SCFD1: variants seen among roughly 807,000 people sequenced by gnomAD.
The protein encoded by SCFD1 is sec1 family domain containing 1.
Under a neutral mutation model 103.2 loss-of-function variants are expected in SCFD1, and 37 were observed. That is an observed-to-expected ratio of 0.36 (90% confidence interval 0.28 to 0.47). The LOEUF (loss-of-function observed/expected upper bound fraction) is 0.47. Ranked by LOEUF, SCFD1 falls within the 20% of genes least tolerant of loss-of-function variation. SCFD1 has a pLI of 1.00. For synonymous variants in SCFD1, 264 were observed against 245.0 expected, an observed-to-expected ratio of 1.08 and a Z score of -0.73; for missense variants, 639 against 761.2, an observed-to-expected ratio of 0.84 and a Z score of 1.89.
chr14:30,667,514 C>G (rs1416047374), intron 10 of SCFD1, among the ~76,000 whole-genome samples: 2 of 152,172 alleles, frequency 1.3e-5, no homozygotes, highest in Non-Finnish European at 2.9e-5. Flanking sequence ...GATGCCCTCT[C>G]TCACCACTCT....
At chr14:30,735,445 T>C in intron 24 of SCFD1, 141 bp from the exon 25 acceptor site, 1 of 664,562 alleles carries the variant, frequency 1.5e-6, no homozygotes. Flanking sequence ...GAGTTAGTGG[T>C]GAACATTAAG....
At chr14:30,734,523 T>G in intron 23 of SCFD1, 1 of 376,544 alleles carries the variant, frequency 2.7e-6, no homozygotes. Context: ...GACAGTGAGA[T>G]TCCTTCTATT....
intron 23 of SCFD1, among the ~76,000 whole-genome samples, chr14:30,731,854 CTGCCTGAT>C (rs1893496997): frequency 6.6e-6 from 1 of 152,154 alleles, no homozygotes; most frequent in Admixed American, 6.5e-5. Context: ...TTTCTTTCTC[CTGCCTGAT>C]TGCCCTGGCC....
At chr14:30,701,834 G>A (rs762177238) in intron 16 of SCFD1, among the ~76,000 whole-genome samples, 2 of 151,938 alleles carry the variant, frequency 1.3e-5, no homozygotes, top group Non-Finnish European at 2.9e-5. Context: ...TTAAAAGTGC[G>A]GGACACCTGT....
intron 6 of SCFD1, among the ~76,000 whole-genome samples, chr14:30,642,230 G>A (rs1276577723): frequency 1.3e-5 from 2 of 152,200 alleles, no homozygotes; most frequent in African/African-American, 2.4e-5. Flanking sequence ...TGGGATTACA[G>A]GTGTGTGCCA....
At chr14:30,628,108 A>T (rs1883714588) in intron 1 of SCFD1, 101 bp from the exon 2 acceptor site, 1 of 724,958 alleles carries the variant, frequency 1.4e-6, no homozygotes, top group Non-Finnish European at 2.3e-6. Flanking sequence ...GTTTTACTAG[A>T]GTTGATTAGT....
Position 30,650,641 on chromosome 14 carries a change from G to T in SCFD1, c.746G>T (p.Gly249Val). ...SLFTGDTLGA[G>V]QFSFQRPLLV... The stretch of plus-strand genomic sequence containing the variant: ...TTTACAGGTGATACACTTGGAGCTG[G>T]CCAATTCAGGTATTACTGTTATTAA... The change falls in exon 9 of 25, where the codon GGC becomes GTC. Residue 249 changes from glycine to valine, a missense_variant. Physicochemically the swap from Gly to Val is moderately radical, Grantham distance 109. Transcript: ENST00000458591. 1 of 1,575,060 alleles carries T rather than the reference G, an allele frequency of 6.3e-7. No individual in the cohort carries two copies. The highest frequency in any genetic ancestry group is 8.7e-7 in the Non-Finnish European group (1 of 1,145,760).
rs1883730380 is a variant in SCFD1, at chr14:30,628,252, A to G, written c.105A>G (p.Lys35=). 6.2e-7 allele frequency: 1 copy of G among 1,612,168 alleles called. No homozygotes were observed. The highest frequency in any genetic ancestry group is 1.3e-5 in the African/African-American group (1 of 74,870). ...RMLNFNVPHI[K]NSTGEPVWKV... ...TGAATTTCAATGTGCCTCATATTAAAAACAGCACAGGAGAACCAGTATGGA... is the reference window on the plus strand; with the variant it reads ...TGAATTTCAATGTGCCTCATATTAAGAACAGCACAGGAGAACCAGTATGGA... Residue 35 remains lysine, a synonymous_variant, in exon 2 of 25, where the codon AAA becomes AAG. Coordinates refer to ENST00000458591, the MANE Select transcript of SCFD1 (RefSeq NM_016106.4).
intron 23 of SCFD1, among the ~76,000 whole-genome samples, chr14:30,731,176 T>C (rs1204701928): frequency 5.3e-5 from 8 of 152,208 alleles, no homozygotes; most frequent in African/African-American, 9.7e-5. Context: ...TGTGGTATTA[T>C]ATCTGAGGGC....
intron 10 of SCFD1, among the ~76,000 whole-genome samples, chr14:30,666,026 G>C (rs1887931789): frequency 6.6e-6 from 1 of 152,100 alleles, no homozygotes; most frequent in Non-Finnish European, 1.5e-5. Flanking sequence ...GGTTAACAAG[G>C]ATATCCAGGA....
At chr14:30,732,261 G>A (rs1042323017) in intron 23 of SCFD1, among the ~76,000 whole-genome samples, 1 of 152,082 alleles carries the variant, frequency 6.6e-6, no homozygotes, top group African/African-American at 2.4e-5. Flanking sequence ...TATTAATAGA[G>A]ATAGTTTTGC....
chr14:30,680,714 G>A (rs911652994), intron 14 of SCFD1, among the ~76,000 whole-genome samples: 1 of 152,134 alleles, frequency 6.6e-6, no homozygotes, highest in Non-Finnish European at 1.5e-5. Flanking sequence ...GATCTCTTGA[G>A]CCTGGGAGTT....
In SCFD1 at chr14:30,735,723, T is replaced by G. The variant is rs1893798998; in HGVS notation, c.*114T>G. 1.4e-6 allele frequency: 1 copy of G among 701,948 alleles called. No individual in the cohort carries two copies. The highest frequency in any genetic ancestry group is 2.4e-6 in the Non-Finnish European group (1 of 416,730). The allele number at this position is 701,948 out of a possible 1,614,324, so 43.5% of individuals were successfully genotyped here. On this transcript the variant is annotated 3_prime_UTR_variant, in exon 25 of 25. Coordinates refer to ENST00000458591, the MANE Select transcript of SCFD1 (RefSeq NM_016106.4). ...TGTAACAGTGTCCTAACAGTGAAAA[T>G]CAGAGTTATTTGTTAATTTTTAAGG...
At chr14:30,706,709 T>C (rs991381262) in intron 18 of SCFD1, among the ~76,000 whole-genome samples, 1 of 152,218 alleles carries the variant, frequency 6.6e-6, no homozygotes, top group Non-Finnish European at 1.5e-5. Context: ...TAATTCTGAC[T>C]ACTCTTTTTG....
chr14:30,668,599 G>A (rs549194723), intron 10 of SCFD1, among the ~76,000 whole-genome samples: 5 of 151,956 alleles, frequency 3.3e-5, no homozygotes, highest in African/African-American at 7.3e-5. Context: ...AACTACCATC[G>A]GAGTGAACAG....
At chr14:30,701,558 A>T (rs1891079677) in intron 16 of SCFD1, among the ~76,000 whole-genome samples, 1 of 152,150 alleles carries the variant, frequency 6.6e-6, no homozygotes, top group African/African-American at 2.4e-5. Flanking sequence ...ATCTCAAAAA[A>T]AAAAAGTATC....
At chr14:30,646,844 G>C (rs533726839) in intron 7 of SCFD1, among the ~76,000 whole-genome samples, 5 of 152,184 alleles carry the variant, frequency 3.3e-5, no homozygotes, top group African/African-American at 9.6e-5. Context: ...ACCTTGGCAG[G>C]TTCTATGTTT....
intron 23 of SCFD1, among the ~76,000 whole-genome samples, chr14:30,731,703 T>C (rs1156355561): frequency 2.0e-5 from 3 of 152,248 alleles, no homozygotes; most frequent in Non-Finnish European, 2.9e-5. Flanking sequence ...CATTGATTTT[T>C]GTATCCTGAG....
At chr14:30,697,172 C>T (rs1028205612) in intron 15 of SCFD1, among the ~76,000 whole-genome samples, 3 of 152,118 alleles carry the variant, frequency 2.0e-5, no homozygotes, top group Non-Finnish European at 4.4e-5. Context: ...AATACAGTTT[C>T]CACTAGGACT....
Sources: gnomAD v4.1 joint callset for allele counts (sites outside exome capture counted in the v4.1 genomes callset) on GRCh38, gnomAD v4.1.1 for gene constraint, MANE v1.5 for transcripts, NCBI Gene and HGNC (gene_info 2026-07-23, HGNC 2026-07-21) for gene names.